Variants in ARHGEF3 observed in about 807,000 individuals in gnomAD.
The protein encoded by ARHGEF3 is Rho guanine nucleotide exchange factor 3.
Under a neutral mutation model 63.2 loss-of-function variants are expected in ARHGEF3, and 28 were observed. The ratio of observed to expected loss-of-function variants is 0.44; its 90% CI spans 0.33 to 0.61. ARHGEF3 has a LOEUF of 0.61. ARHGEF3 is among the 20% of genes least tolerant of loss of function. The pLI is 0.03. For missense variants in ARHGEF3, 533 were observed against 659.3 expected, an observed-to-expected ratio of 0.81 and a Z score of 2.10; for synonymous variants, 266 against 254.2, an observed-to-expected ratio of 1.05 and a Z score of -0.44.
intron 3 of ARHGEF3, among the ~76,000 whole-genome samples, chr3:56,935,268 G>A (rs112361667): frequency 0.059 from 9,028 of 152,134 alleles, 935 homozygotes; most frequent in African/African-American, 0.21. Flanking sequence ...CTAATCTGAT[G>A]GGGACGTGGA....
intron 4 of ARHGEF3, among the ~76,000 whole-genome samples, chr3:56,844,196 C>A (rs528019762): frequency 1.3e-3 from 205 of 152,298 alleles, no homozygotes; most frequent in Non-Finnish European, 2.3e-3. Flanking sequence ...AGTTTATGCT[C>A]AAAAATTATT....
intron 8 of ARHGEF3, among the ~76,000 whole-genome samples, chr3:56,735,628 G>T (rs2033562846): frequency 1.3e-5 from 2 of 152,116 alleles, no homozygotes; most frequent in African/African-American, 2.4e-5. Flanking sequence ...ATTTCTCATT[G>T]GGCTTCCTAG....
intron 2 of ARHGEF3, among the ~76,000 whole-genome samples, chr3:56,989,386 A>G (rs999838122): frequency 2.0e-5 from 3 of 152,292 alleles, no homozygotes; most frequent in African/African-American, 7.2e-5. Flanking sequence ...AGAGCAATCA[A>G]GTGTCCACAG....
At chr3:56,763,092 A>G (rs147380438) in intron 2 of ARHGEF3, among the ~76,000 whole-genome samples, 1,930 of 152,312 alleles carry the variant, frequency 0.013, 39 homozygotes, top group African/African-American at 0.044. Flanking sequence ...GCTTTGGAGT[A>G]AAACAGGCAT....
chr3:56,918,943 C>T (rs1242335151), intron 3 of ARHGEF3, among the ~76,000 whole-genome samples: 1 of 152,124 alleles, frequency 6.6e-6, no homozygotes, highest in Non-Finnish European at 1.5e-5. Context: ...TTCCCAAAGG[C>T]CCTACTTTTT....
intron 1 of ARHGEF3, among the ~76,000 whole-genome samples, chr3:56,795,653 C>T (rs1204313498): frequency 2.5e-4 from 17 of 69,270 alleles, no homozygotes; most frequent in East Asian, 1.7e-3. Context: ...CAGTCTCTCT[C>T]TCTTTTTTTT....
chr3:56,902,118 T>C lies in ARHGEF3; in HGVS notation c.130-19764A>G, dbSNP rs1227259770. 2.0e-5 allele frequency among the ~76,000 whole-genome samples: 3 copies of C among 152,112 alleles called. No homozygotes were observed. In the South Asian group the frequency reaches 6.2e-4, roughly 32 times the overall value. ...CCACAAAAAGGATACTTGTTTACAG[T>C]ATGGGAGCTAGAACAAGAAGGCAGT... On this transcript the variant is annotated intron_variant, in intron 3 of 12. Coordinates refer to the ARHGEF3 transcript ENST00000338458.
chr3:56,836,611 C>T (rs1339696277), intron 4 of ARHGEF3, among the ~76,000 whole-genome samples: 1 of 149,272 alleles, frequency 6.7e-6, no homozygotes, highest in Non-Finnish European at 1.5e-5. Context: ...AGATTTTATA[C>T]AACAATCAGA....
At chr3:56,780,873 G>A (rs573038680) in intron 1 of ARHGEF3, among the ~76,000 whole-genome samples, 21 of 152,332 alleles carry the variant, frequency 1.4e-4, no homozygotes, top group African/African-American at 4.6e-4. Context: ...CTTTGACTAC[G>A]TAGTTAAGAT....
At chr3:57,011,132 G>A (rs1287700942) in intron 2 of ARHGEF3, among the ~76,000 whole-genome samples, 1 of 152,180 alleles carries the variant, frequency 6.6e-6, no homozygotes, top group South Asian at 2.1e-4. Context: ...GAAAATCGGA[G>A]GGAAGGTGAA....
At position 56,830,641 on chromosome 3, in the gene ARHGEF3, G is replaced by A. The variant is rs1223340318; in HGVS notation, c.192+51651C>T. 4.6e-5 allele frequency among the ~76,000 whole-genome samples: 7 copies of A among 152,162 alleles called. No homozygotes were observed. In the South Asian group the frequency reaches 1.2e-3, roughly 27 times the overall value. ...CAAATCCCAATTCCTCACCACAACT[G>A]GATGAGGCCCTGCGGGATCTGGTGC... On this transcript the variant is annotated intron_variant, in intron 4 of 12. Transcript: ENST00000338458.
Position 56,994,925 on chromosome 3 carries a change from A to C in ARHGEF3, c.63-36036T>G, listed in dbSNP as rs184749822. On this transcript the variant is annotated intron_variant, in intron 2 of 12. Coordinates refer to the ARHGEF3 transcript ENST00000338458. ...GTGACAGTGAGTGAGTTCTCTCAGG[A>C]TCTGATGGTTTAAAAGTGTGGCACG... Among the ~76,000 whole-genome samples, 3 of 152,014 alleles carry C rather than the reference A, an allele frequency of 2.0e-5. No homozygotes were observed. The East Asian group carries it at 5.8e-4, about 29-fold the overall frequency.
At chr3:57,067,645 G>A (rs1705626207) in intron 1 of ARHGEF3, among the ~76,000 whole-genome samples, 1 of 150,690 alleles carries the variant, frequency 6.6e-6, no homozygotes, top group African/African-American at 2.4e-5. Context: ...GACCAGCCTG[G>A]GTAATACAGA....
chr3:56,964,902 T>C (rs190012115), intron 2 of ARHGEF3, among the ~76,000 whole-genome samples: 17 of 152,164 alleles, frequency 1.1e-4, no homozygotes, highest in Non-Finnish European at 1.6e-4. Flanking sequence ...TAGATAAAAC[T>C]GGCCAAATTC....
chr3:56,847,498 G>A (rs998822045), intron 4 of ARHGEF3, among the ~76,000 whole-genome samples: 23 of 152,110 alleles, frequency 1.5e-4, no homozygotes, highest in African/African-American at 5.6e-4. Flanking sequence ...TTGTTTTTCT[G>A]GCATTATTCG....
chr3:56,870,021 T>C (rs181160101), intron 4 of ARHGEF3, among the ~76,000 whole-genome samples: 1 of 152,282 alleles, frequency 6.6e-6, no homozygotes, highest in East Asian at 1.9e-4. Context: ...CTTCTGGATA[T>C]ATAAGTTTAA....
At chr3:56,769,923 A>C (rs550591836) in intron 2 of ARHGEF3, among the ~76,000 whole-genome samples, 50 of 152,350 alleles carry the variant, frequency 3.3e-4, no homozygotes, top group African/African-American at 1.2e-3. Flanking sequence ...AAAAGGCATA[A>C]ATAATACACA....
At chr3:56,971,956 G>A (rs1377480638) in intron 2 of ARHGEF3, among the ~76,000 whole-genome samples, 13 of 126,770 alleles carry the variant, frequency 1.0e-4, no homozygotes, top group African/African-American at 3.2e-4. Context: ...CCAGGAGAGA[G>A]TATCTGCCCC....
At chr3:56,897,672 TGCCTCA>T (rs2041348841) in intron 3 of ARHGEF3, among the ~76,000 whole-genome samples, 1 of 151,802 alleles carries the variant, frequency 6.6e-6, no homozygotes, top group African/African-American at 2.4e-5. Flanking sequence ...GCAATTCTCC[TGCCTCA>T]GCCTCAGCCT....
Sources: allele counts gnomAD v4.1 joint callset (sites outside exome capture counted in the v4.1 genomes callset), GRCh38; gene constraint gnomAD v4.1.1; transcripts MANE v1.5; gene names NCBI Gene and HGNC (gene_info 2026-07-23, HGNC 2026-07-21).